TAF5: variants seen among roughly 807,000 people sequenced by gnomAD.
TAF5 encodes the protein TATA-box binding protein associated factor 5.
In TAF5, 20 loss-of-function variants were observed where a neutral mutation model predicts 80.9. The ratio of observed to expected loss-of-function variants is 0.25; its 90% CI spans 0.17 to 0.36. TAF5 has a LOEUF of 0.36. Ranked by LOEUF, TAF5 falls within the 10% of genes least tolerant of loss-of-function variation. The probability of loss-of-function intolerance (pLI) is 1.00; values close to 1 mark genes in which losing one functional copy is unlikely to be tolerated. For synonymous variants in TAF5, 388 were observed against 406.4 expected, an observed-to-expected ratio of 0.95 and a Z score of 0.55; for missense variants, 863 against 1,029.4, an observed-to-expected ratio of 0.84 and a Z score of 2.21.
intron 8 of TAF5, among the ~76,000 whole-genome samples, chr10:103,385,857 G>A (rs1375663068): frequency 4.7e-5 from 7 of 148,058 alleles, no homozygotes; most frequent in Non-Finnish European, 7.4e-5. Context: ...CCTGAGAGGC[G>A]GAGGTTGCAG....
intron 8 of TAF5, 48 bp downstream of exon 8, chr10:103,385,538 G>C (rs758066345): frequency 1.3e-6 from 2 of 1,581,030 alleles, no homozygotes; most frequent in Admixed American, 3.7e-5. Context: ...TGAACAGAAT[G>C]GTTTCTTGTT....
At position 103,379,629 on chromosome 10, in the gene TAF5, G is replaced by C; in HGVS notation, c.1135G>C (p.Glu379Gln). 6.3e-7 allele frequency: 1 copy of C among 1,584,172 alleles called. No homozygotes were observed. The highest frequency in any genetic ancestry group is 8.5e-7 in the Non-Finnish European group (1 of 1,172,866). ...KSKVFFGLLKEPEIEVPLDDE... is the reference protein window; with the variant it reads ...KSKVFFGLLKQPEIEVPLDDE... ...GTAGGTATTTTTTGGTTTATTAAAAGAACCAGAAATTGAGGTACCTTTGGA... is the reference window on the plus strand; with the variant it reads ...GTAGGTATTTTTTGGTTTATTAAAACAACCAGAAATTGAGGTACCTTTGGA... Residue 379 changes from glutamate (E) to glutamine (Q), a missense_variant, in exon 4 of 11, where the codon GAA (glutamate) becomes CAA (glutamine). By Grantham distance (29) the Glu-to-Gln change is conservative. Transcript: ENST00000369839.
intron 1 of TAF5, 56 bp from the exon 2 acceptor site, chr10:103,373,302 A>G: frequency 1.4e-6 from 2 of 1,426,024 alleles, no homozygotes; most frequent in East Asian, 2.3e-5. Flanking sequence ...CAATACAGCC[A>G]TAGTCACATG....
chr10:103,371,595 T>C (rs1195096888), intron 1 of TAF5, among the ~76,000 whole-genome samples: 2 of 152,222 alleles, frequency 1.3e-5, no homozygotes, highest in Admixed American at 6.6e-5. Flanking sequence ...GTTTTCTGTT[T>C]TGAAGTGGTG....
In TAF5 at chr10:103,378,542, A is replaced by G; in HGVS notation, c.1105A>G (p.Lys369Glu). Reference sequence around the variant, plus strand: ...AGGAGAGGCTAAACGAGAGGCAAACAAATCAAAGGTATGGGAATGAACCTA... The same window carrying G: ...AGGAGAGGCTAAACGAGAGGCAAACGAATCAAAGGTATGGGAATGAACCTA... ...LAGEAKREAN[K>E]SKVFFGLLKE... The change falls in exon 3 of 11, where the codon AAA becomes GAA. Residue 369 changes from lysine to glutamate, a missense_variant. This residue lies in a region of TAF5 where 128 missense variants were observed against 232.2 expected (regional missense o/e 0.55). Transcript: ENST00000369839. The surrounding 1 kb of genome is among the most constrained non-coding windows in gnomAD (Gnocchi z 4.1). 6.2e-7 allele frequency: 1 copy of G among 1,612,636 alleles called. No individual in the cohort carries two copies. The highest frequency in any genetic ancestry group is 8.5e-7 in the Non-Finnish European group (1 of 1,179,064).
intron 8 of TAF5, 100 bp from the exon 9 acceptor site, chr10:103,387,072 TAAC>T (rs2093398361): frequency 3.0e-5 from 29 of 953,000 alleles, no homozygotes; most frequent in East Asian, 6.2e-5. Context: ...CACTCAGAAC[TAAC>T]TTTTTATGTG....
chr10:103,368,596 A>C, intron 1 of TAF5, 48 bp downstream of exon 1: 2 of 1,448,990 alleles, frequency 1.4e-6, no homozygotes, highest in Non-Finnish European at 1.8e-6. Context: ...AAGGGGAGCA[A>C]GCCGGTAAGG....
intron 6 of TAF5, among the ~76,000 whole-genome samples, chr10:103,382,607 A>ATAT (rs2093385409): frequency 6.6e-6 from 1 of 151,164 alleles, no homozygotes; most frequent in African/African-American, 2.4e-5. Flanking sequence ...ATAAAACAAT[A>ATAT]TATTTTAAAT....
At chr10:103,372,030 G>T (rs2093360637) in intron 1 of TAF5, among the ~76,000 whole-genome samples, 1 of 150,702 alleles carries the variant, frequency 6.6e-6, no homozygotes, top group African/African-American at 2.4e-5. Flanking sequence ...TCTGCCTCCT[G>T]GGTTCAAGTG....
At chr10:103,377,473 T>C (rs1044444688) in intron 2 of TAF5, among the ~76,000 whole-genome samples, 3 of 152,256 alleles carry the variant, frequency 2.0e-5, no homozygotes, top group Non-Finnish European at 4.4e-5. Flanking sequence ...TTTGCATTGA[T>C]TGCTGTTTTT....
At chr10:103,387,734 T>C (rs2093400569) in intron 10 of TAF5, 36 bp downstream of exon 10, 1 of 1,579,354 alleles carries the variant, frequency 6.3e-7, no homozygotes, top group Non-Finnish European at 8.6e-7. Context: ...ATAAATGCTA[T>C]GTTAAGAGGA....
At position 103,387,217 on chromosome 10, in the gene TAF5, C is replaced by T. The variant is rs139768406; in HGVS notation, c.1872C>T (p.Ala624=). Residue 624 remains alanine (A), a synonymous_variant, in exon 9 of 11, where the codon GCC becomes GCT. Coordinates refer to ENST00000369839, the MANE Select transcript of TAF5 (RefSeq NM_006951.5). ...TDHYQPLRIF[A]GHLADVNCTR... ...ACTATCAGCCTTTAAGAATATTTGC[C>T]GGCCATCTTGCTGATGTGAATTGTA... The T allele has an allele frequency of 3.5e-4, 568 of 1,613,968 alleles. 1 individual carries two copies. In the African/African-American group the frequency reaches 6.3e-3, roughly 18 times the overall value.
At chr10:103,369,271 G>T (rs960453231) in intron 1 of TAF5, among the ~76,000 whole-genome samples, 1 of 150,572 alleles carries the variant, frequency 6.6e-6, no homozygotes, top group Admixed American at 6.6e-5. Context: ...GAGACACCGC[G>T]CCCGGCCGCC....
chr10:103,388,302 T>A lies in TAF5; in HGVS notation c.*79T>A, dbSNP rs2093402710. On this transcript the variant is annotated 3_prime_UTR_variant, in exon 11 of 11. Transcript: ENST00000369839. ...AAAGCAAATACCTCAGTGATTAATA[T>A]TTAAGCTACAGAGAATGTTTTTGTC... is the stretch of plus-strand genomic sequence containing the variant. 8.2e-7 allele frequency: 1 copy of A among 1,223,678 alleles called. No homozygotes were observed. Among genetic ancestry groups the A allele is most frequent in the Non-Finnish European group, 1.2e-6 (1 of 868,898 alleles). The allele number at this position is 1,223,678 out of a possible 1,614,324, so 75.8% of individuals were successfully genotyped here. A position where few individuals can be genotyped will look rare whatever the true frequency, so the allele number is the denominator to read the frequency against.
intron 3 of TAF5, 87 bp from the exon 4 acceptor site, chr10:103,379,521 T>C (rs1233018648): frequency 8.7e-7 from 1 of 1,145,242 alleles, no homozygotes; most frequent in African/African-American, 1.6e-5. Flanking sequence ...ATTACTATTT[T>C]GTAATTGTGA....
intron 1 of TAF5, among the ~76,000 whole-genome samples, chr10:103,369,912 T>C (rs2093355232): frequency 6.6e-6 from 1 of 152,188 alleles, no homozygotes; most frequent in South Asian, 2.1e-4. Context: ...TGATTGTCAT[T>C]ATTTTTTTAG....
intron 1 of TAF5, among the ~76,000 whole-genome samples, chr10:103,370,154 C>G (rs1245618213): frequency 2.6e-5 from 4 of 151,392 alleles, no homozygotes; most frequent in African/African-American, 9.7e-5. Context: ...ATCACTTGAC[C>G]CCGGGAGGCT....
In TAF5 at chr10:103,387,311, G is replaced by A. The variant is rs201595351; in HGVS notation, c.1966G>A (p.Val656Ile). ...AGACAGAACTGTGCGGCTCTGGGAC[G>A]TCCTGAATGGTAACTGTGTAAGGAT... The part of the protein sequence containing the change: ...SADRTVRLWD[V>I]LNGNCVRIFT... Residue 656 changes from valine to isoleucine, a missense_variant, in exon 9 of 11, where the codon GTC becomes ATC. Physicochemically the swap from Val to Ile is conservative, Grantham distance 29. Coordinates refer to ENST00000369839, the MANE Select transcript of TAF5 (RefSeq NM_006951.5). 1.4e-5 allele frequency: 22 copies of A among 1,614,082 alleles called. No individual in the cohort carries two copies. In the East Asian group the frequency reaches 1.8e-4, roughly 13 times the overall value.
intron 8 of TAF5, 126 bp from the exon 9 acceptor site, chr10:103,387,049 T>C (rs1414431256): frequency 3.6e-6 from 3 of 825,568 alleles, no homozygotes; most frequent in East Asian, 2.7e-5. Context: ...AGTTAACTAG[T>C]AAGTGGGGGG....
Sources: gnomAD v4.1 joint callset for allele counts (sites outside exome capture counted in the v4.1 genomes callset) on GRCh38, gnomAD v4.1.1 for gene constraint, gnomAD v4.1.1 regional missense constraint, Gnocchi (gnomAD v3.1) non-coding constraint, MANE v1.5 for transcripts, NCBI Gene and HGNC (gene_info 2026-07-23, HGNC 2026-07-21) for gene names.